Variants in TAF6 observed in about 807,000 individuals in gnomAD.
The protein encoded by TAF6 is TATA-box binding protein associated factor 6.
Under a neutral mutation model 73.5 loss-of-function variants are expected in TAF6, and 50 were observed. The observed-to-expected ratio is 0.68, with a 90% CI of 0.54 to 0.86. The LOEUF (loss-of-function observed/expected upper bound fraction) is 0.86, where lower values mean the gene tolerates loss of function less well. Ranked by LOEUF, TAF6 falls within the 40% of genes least tolerant of loss-of-function variation. TAF6 has a pLI of 0.00. For synonymous variants in TAF6, 424 were observed against 376.7 expected (o/e 1.13, Z -1.45); for missense variants, 768 against 899.5 (o/e 0.85, Z 1.87).
Position 100,111,341 on chromosome 7 carries a change from A to G in TAF6, c.901-20T>C. ...ATGGACCTAAGGGAGAAAGGGCGGG[A>G]CAGCTGATTCTGGTTTTGTTTGTCT... On this transcript the variant is annotated intron_variant, in intron 9 of 14. Coordinates refer to ENST00000453269, the MANE Select transcript of TAF6 (RefSeq NM_139315.3). The G allele has an allele frequency of 6.2e-7, 1 of 1,603,302 alleles. No homozygotes were observed. The highest frequency in any genetic ancestry group is 8.5e-7 in the Non-Finnish European group (1 of 1,171,638).
chr7:100,110,484 T>C (rs760108025), intron 10 of TAF6: 21 of 473,564 alleles, frequency 4.4e-5, no homozygotes, highest in Non-Finnish European at 7.8e-5. Context: ...CTAGTCAACA[T>C]GGTGAAACTC....
chr7:100,121,978 A>G (rs1798086836), upstream of TAF6: 3 of 317,608 alleles, frequency 9.4e-6, no homozygotes, highest in Non-Finnish European at 1.2e-5. Flanking sequence ...TGAACCCAGG[A>G]GGCGGAGCTG....
rs760183417 is a variant in TAF6, at chr7:100,107,270, G to A, written c.2010C>T (p.Ser670=). The part of the protein sequence containing the change: ...TPKANGSQPN[S]GSPQPAP Reference sequence around the variant, plus strand: ...ATCACGGAGCAGGCTGAGGGGAGCCGGAGTTGGGCTGGGAGCCATTGGCTT... The same window carrying A: ...ATCACGGAGCAGGCTGAGGGGAGCCAGAGTTGGGCTGGGAGCCATTGGCTT... Residue 670 remains serine, a synonymous_variant, in exon 15 of 15, where the codon TCC becomes TCT. Coordinates refer to ENST00000453269, the MANE Select transcript of TAF6 (RefSeq NM_139315.3). 3.8e-5 allele frequency: 58 copies of A among 1,523,384 alleles called. No individual in the cohort carries two copies. Among genetic ancestry groups the A allele is most frequent in the South Asian group, 2.0e-4 (15 of 75,578 alleles). The allele number at this position is 1,523,384 out of a possible 1,614,324, so 94.4% of individuals were successfully genotyped here. A position where few individuals can be genotyped will look rare whatever the true frequency, so the allele number is the denominator to read the frequency against.
upstream of TAF6, chr7:100,122,486 C>G: frequency 6.2e-7 from 1 of 1,613,948 alleles, no homozygotes; most frequent in Admixed American, 1.7e-5. Flanking sequence ...CACAGAGAGA[C>G]AAGGCTGGAA....
At chr7:100,116,266 A>G (rs981891869) in intron 1 of TAF6, among the ~76,000 whole-genome samples, 7 of 152,082 alleles carry the variant, frequency 4.6e-5, no homozygotes, top group Non-Finnish European at 1.0e-4. Flanking sequence ...TCATGCCTGT[A>G]ATCTGTGCAC....
chr7:100,108,249 G>A (rs920980177), intron 13 of TAF6, 118 bp downstream of exon 13: 2 of 1,464,078 alleles, frequency 1.4e-6, no homozygotes, highest in Non-Finnish European at 1.8e-6. Flanking sequence ...TCCTCACTCA[G>A]GGCCTGGTTG....
Position 100,111,261 on chromosome 7 carries a change from G to A in TAF6, c.961C>T (p.Pro321Ser). Residue 321 changes from proline (P) to serine (S), a missense_variant, in exon 10 of 15, where the codon CCA becomes TCA. Transcript: ENST00000453269. ...CIVSRQLCLR[P>S]DVDNHWALRD... ...AGTGCCCAGTGATTGTCCACATCTG[G>A]TCGCAGGCACAACTGTCTGCTCACG... The A allele has an allele frequency of 6.2e-7, 1 of 1,614,246 alleles. No individual in the cohort carries two copies. The highest frequency in any genetic ancestry group is 8.5e-7 in the Non-Finnish European group (1 of 1,180,046).
chr7:100,111,642 G>T, intron 9 of TAF6, 86 bp downstream of exon 9: 1 of 1,404,742 alleles, frequency 7.1e-7, no homozygotes, highest in Non-Finnish European at 1.0e-6. Context: ...GGGATTTCAG[G>T]TGTGAGCCAC....
Position 100,110,187 on chromosome 7 carries a change from C to T in TAF6, c.1158+13G>A. The T allele has an allele frequency of 3.7e-6, 6 of 1,614,150 alleles. No individual in the cohort carries two copies. The highest frequency in any genetic ancestry group is 4.2e-6 in the Non-Finnish European group (5 of 1,180,020). On this transcript the variant is annotated intron_variant, in intron 11 of 14. Coordinates refer to ENST00000453269, the MANE Select transcript of TAF6 (RefSeq NM_139315.3). ...GTGTCCCCTCCCCCATTTCTTCCTCCCAGAGGCCTAACATCGTGTCCCAGC... is the reference window on the plus strand; with the variant it reads ...GTGTCCCCTCCCCCATTTCTTCCTCTCAGAGGCCTAACATCGTGTCCCAGC...
At chr7:100,113,481 T>C in intron 4 of TAF6, 76 bp from the exon 5 acceptor site, 1 of 1,524,326 alleles carries the variant, frequency 6.6e-7, no homozygotes, top group South Asian at 1.3e-5. Flanking sequence ...TGGAAGCGTG[T>C]TTCCACTCCT....
the TAF6 span, chr7:100,124,882 T>C: frequency 6.3e-7 from 1 of 1,590,172 alleles, no homozygotes; most frequent in African/African-American, 1.4e-5. Flanking sequence ...ACCGAGAAGA[T>C]CTTTGACCCT....
In TAF6 at chr7:100,108,482, T is replaced by A; in HGVS notation, c.1343A>T (p.Tyr448Phe). The change falls in exon 13 of 15, where the codon TAT becomes TTT. Residue 448 changes from tyrosine to phenylalanine, a missense_variant. Coordinates refer to ENST00000453269, the MANE Select transcript of TAF6 (RefSeq NM_139315.3). ...LRPPPDNQDA[Y>F]RAEFGSLGPL... ...CCCAAGGGACCCGAATTCTGCCCGA[T>A]AGGCGTCCTGATTGTCAGGCGGTGG... 1 of 1,613,780 alleles carries A rather than the reference T, an allele frequency of 6.2e-7. No homozygotes were observed. The highest frequency in any genetic ancestry group is 8.5e-7 in the Non-Finnish European group (1 of 1,179,790).
At position 100,108,446 on chromosome 7, in the gene TAF6, C is replaced by A. The variant is rs1562920463; in HGVS notation, c.1379G>T (p.Cys460Phe). 1 of 1,613,958 alleles carries A rather than the reference C, an allele frequency of 6.2e-7. No individual in the cohort carries two copies. ...GGCCCGAGCCTTGACCACCTGGGAG[C>A]AGAGGAGGGGCCCAAGGGACCCGAA... ...AEFGSLGPLL[C>F]SQVVKARAQA... Residue 460 changes from cysteine (C) to phenylalanine (F), a missense_variant, in exon 13 of 15, where the codon TGC (cysteine) becomes TTC (phenylalanine). This residue lies in a region of TAF6 where 350 missense variants were observed against 352.3 expected (regional missense o/e 0.99). Coordinates refer to ENST00000453269, the MANE Select transcript of TAF6 (RefSeq NM_139315.3).
upstream of TAF6, chr7:100,124,693 A>AT (rs777094819): frequency 3.1e-6 from 5 of 1,613,318 alleles, no homozygotes; most frequent in Admixed American, 5.0e-5. Context: ...TCCAGGACTA[A>AT]TATCTAAATT....
chr7:100,119,856 TGC>T (rs745745303), upstream of TAF6: 52 of 1,611,588 alleles, frequency 3.2e-5, no homozygotes, highest in Non-Finnish European at 4.2e-5. Context: ...GCCCAGCAAA[TGC>T]GAAGGTATTT....
At chr7:100,117,055 G>C (rs945339751) in intron 1 of TAF6, among the ~76,000 whole-genome samples, 1 of 151,956 alleles carries the variant, frequency 6.6e-6, no homozygotes, top group African/African-American at 2.4e-5. Context: ...AGACCATCCT[G>C]GCCAACATGG....
At chr7:100,122,166 A>C, upstream of TAF6, 1 of 1,516,412 alleles carries the variant, frequency 6.6e-7, no homozygotes, top group Non-Finnish European at 9.0e-7. Flanking sequence ...CATAGTCTGC[A>C]CTTGTATGCT....
chr7:100,114,555 A>G, intron 1 of TAF6: 2 of 591,392 alleles, frequency 3.4e-6, no homozygotes, highest in South Asian at 4.2e-5. Context: ...CCCCATCTCT[A>G]CTAAAAATAC....
rs894392002 is a variant in TAF6 at position 100,111,310 on chromosome 7, C to T, written c.912G>A (p.Leu304=). 3.1e-6 allele frequency: 5 copies of T among 1,613,548 alleles called. No individual in the cohort carries two copies. Among genetic ancestry groups the T allele is most frequent in the Non-Finnish European group, 4.2e-6 (5 of 1,179,600 alleles). ...CGATGCAGGTCATCACAGCTGGAAT[C>T]AGCTCATGGACCTAAGGGAGAAAGG... ...TLYLEKYVHE[L]IPAVMTCIVS... The change falls in exon 10 of 15, where the codon CTG becomes CTA. Residue 304 remains leucine (L), a synonymous_variant. Coordinates refer to ENST00000453269, the MANE Select transcript of TAF6 (RefSeq NM_139315.3).
Sources: gnomAD v4.1 joint callset for allele counts (sites outside exome capture counted in the v4.1 genomes callset) on GRCh38, gnomAD v4.1.1 for gene constraint, gnomAD v4.1.1 regional missense constraint, MANE v1.5 for transcripts, NCBI Gene and HGNC (gene_info 2026-07-23, HGNC 2026-07-21) for gene names.